Variants in GRHL2 observed in about 807,000 individuals in gnomAD.
GRHL2 encodes grainyhead-like protein 2 homolog.
Under a neutral mutation model 83.8 loss-of-function variants are expected in GRHL2, and 21 were observed. The observed-to-expected ratio is 0.25, with a 90% confidence interval of 0.18 to 0.36. The LOEUF (loss-of-function observed/expected upper bound fraction) is 0.36, where lower values mean the gene tolerates loss of function less well. Among genes scored for constraint, GRHL2 ranks in the 10% least tolerant of loss-of-function variants. The pLI is 1.00. For synonymous variants in GRHL2, 280 were observed against 278.9 expected (o/e 1.00, Z -0.04); for missense variants, 623 against 781.8 (o/e 0.80, Z 2.42).
At chr8:101,614,798 C>T (rs1286999696) in intron 8 of GRHL2, among the ~76,000 whole-genome samples, 1 of 152,182 alleles carries the variant, frequency 6.6e-6, no homozygotes, top group Non-Finnish European at 1.5e-5. Flanking sequence ...CATGATTTCC[C>T]AAACTCCTGC....
At chr8:101,505,615 C>A (rs141044325) in intron 1 of GRHL2, among the ~76,000 whole-genome samples, 1 of 149,450 alleles carries the variant, frequency 6.7e-6, no homozygotes, top group Non-Finnish European at 1.5e-5. Context: ...AATAAAGGCA[C>A]CTATCCTTAC....
At chr8:101,537,256 G>A (rs964438278) in intron 1 of GRHL2, among the ~76,000 whole-genome samples, 1 of 152,162 alleles carries the variant, frequency 6.6e-6, no homozygotes, top group Non-Finnish European at 1.5e-5. Context: ...CTATATATCT[G>A]TTAGTCATTA....
At chr8:101,651,780 G>T (rs1010404212) in intron 14 of GRHL2, among the ~76,000 whole-genome samples, 3 of 152,174 alleles carry the variant, frequency 2.0e-5, no homozygotes, top group Non-Finnish European at 2.9e-5. Context: ...GAGAGGTCAG[G>T]TTCCCTAGGC....
At position 101,634,392 on chromosome 8, in the gene GRHL2, T is replaced by C. The variant is rs1813245671; in HGVS notation, c.1485+2027T>C. 3.9e-5 allele frequency among the ~76,000 whole-genome samples: 6 copies of C among 152,170 alleles called. No individual in the cohort carries two copies. In the South Asian group the frequency reaches 1.0e-3, roughly 26 times the overall value. ...TCAGACTGCCTTTTCTCAAAAAAGT[T>C]AGATGCCTGGGAGATCCTTCCAAAG... On this transcript the variant is annotated intron_variant, in intron 11 of 15. Transcript: ENST00000646743.
intron 7 of GRHL2, among the ~76,000 whole-genome samples, chr8:101,581,102 C>T (rs909949482): frequency 5.3e-5 from 8 of 152,350 alleles, no homozygotes; most frequent in African/African-American, 1.9e-4. Context: ...GCCCTGTCTA[C>T]ATGGAGAGAG....
rs140510172 is a variant in GRHL2, at chr8:101,629,485, C to A, written c.1258-2152C>A. 4.2e-3 allele frequency among the ~76,000 whole-genome samples: 640 copies of A among 152,014 alleles called. 5 individuals carry two copies. Among genetic ancestry groups the A allele is most frequent in the African/African-American group, 0.014 (596 of 41,482 alleles). On this transcript the variant is annotated intron_variant, in intron 9 of 15. Transcript: ENST00000646743. ...TTTTTTATGGGGGTCTGGAACTGAA[C>A]CCACAGTACCTCTGAGGTATGCTTG...
intron 8 of GRHL2, among the ~76,000 whole-genome samples, chr8:101,606,356 C>T (rs979745367): frequency 6.6e-6 from 1 of 152,196 alleles, no homozygotes; most frequent in Non-Finnish European, 1.5e-5. Flanking sequence ...GATATTTCCT[C>T]TGGGCCCTAT....
At chr8:101,539,521 T>G (rs982567787) in intron 1 of GRHL2, among the ~76,000 whole-genome samples, 1 of 152,170 alleles carries the variant, frequency 6.6e-6, no homozygotes, top group African/African-American at 2.4e-5. Flanking sequence ...ACCTTCTTAG[T>G]TCTTTCTGGA....
At chr8:101,500,171 T>C (rs1482427089) in intron 1 of GRHL2, among the ~76,000 whole-genome samples, 1 of 152,080 alleles carries the variant, frequency 6.6e-6, no homozygotes, top group Non-Finnish European at 1.5e-5. Flanking sequence ...AGGGTAGTGA[T>C]TGGTTTGGCA....
At chr8:101,590,338 A>T (rs531017942) in intron 7 of GRHL2, among the ~76,000 whole-genome samples, 1 of 152,318 alleles carries the variant, frequency 6.6e-6, no homozygotes, top group South Asian at 2.1e-4. Context: ...CTCAGAATCT[A>T]CTTGGACTAG....
intron 1 of GRHL2, among the ~76,000 whole-genome samples, chr8:101,540,271 T>C (rs10955257): frequency 0.52 from 79,784 of 152,026 alleles, 21,772 homozygotes; most frequent in Non-Finnish European, 0.6. Context: ...AGGCACTGAA[T>C]TATTTAAGAA....
intron 7 of GRHL2, among the ~76,000 whole-genome samples, chr8:101,591,595 A>G (rs1015120594): frequency 7.9e-5 from 12 of 152,328 alleles, no homozygotes; most frequent in Admixed American, 7.8e-4. Flanking sequence ...CAAGACAAAT[A>G]TGGGCAGTGG....
At chr8:101,540,758 G>A (rs948489501) in intron 1 of GRHL2, among the ~76,000 whole-genome samples, 4 of 152,102 alleles carry the variant, frequency 2.6e-5, no homozygotes, top group African/African-American at 9.7e-5. Flanking sequence ...AGATCCCATA[G>A]GAATGTCAGC....
At chr8:101,614,663 C>T (rs1342660516) in intron 8 of GRHL2, among the ~76,000 whole-genome samples, 3 of 152,190 alleles carry the variant, frequency 2.0e-5, no homozygotes, top group Non-Finnish European at 4.4e-5. Flanking sequence ...TTTGTAGATA[C>T]ACTTCCAAGT....
At position 101,592,100 on chromosome 8, in the gene GRHL2, C is replaced by CTTTTTTTT. The variant is rs11382067; in HGVS notation, c.1004-6942_1004-6935dup. On this transcript the variant is annotated intron_variant, in intron 7 of 15. Transcript: ENST00000646743. Reference sequence around the variant, plus strand: ...GTACAGCACTTTCTTTCTTTCTTTTCTTTTTTTTTTTTTTTTTTTTTTGAG... The same window carrying CTTTTTTTT: ...GTACAGCACTTTCTTTCTTTCTTTTCTTTTTTTTTTTTTTTTTTTTTTTTTTTTTTGAG... Among the ~76,000 whole-genome samples, 82 of 90,310 alleles carry CTTTTTTTT rather than the reference C, an allele frequency of 9.1e-4. 2 individuals carry two copies. Among genetic ancestry groups the CTTTTTTTT allele is most frequent in the African/African-American group, 1.9e-3 (42 of 21,912 alleles). The allele number at this position is 90,310 out of a possible 152,430, so 59.2% of individuals were successfully genotyped here.
In GRHL2 at chr8:101,550,178, CT is replaced by C. The variant is rs4002324; in HGVS notation, c.217-2525del. Among the ~76,000 whole-genome samples the C allele has an allele frequency of 6.2e-3, 929 of 149,416 alleles. 8 individuals carry two copies. The highest frequency in any genetic ancestry group is 0.02 in the African/African-American group (815 of 40,674). Reference sequence around the variant, plus strand: ...TAAGTTCTGGGATACATATGCAGGTCTTTTTTTTTTTTAAAAAAATTATCAT... The same window carrying C: ...TAAGTTCTGGGATACATATGCAGGTCTTTTTTTTTTTAAAAAAATTATCAT... On this transcript the variant is annotated intron_variant, in intron 2 of 15. Transcript: ENST00000646743.
rs1029355955 is a variant in GRHL2, at chr8:101,612,876, C to A, written c.1099-6663C>A. On this transcript the variant is annotated intron_variant, in intron 8 of 15. Coordinates refer to ENST00000646743, the MANE Select transcript of GRHL2 (RefSeq NM_024915.4). ...TTAAGGGCTTTTCAGAATCATGGAG[C>A]AAACAGACAATTAAACACTAAACAA... Among the ~76,000 whole-genome samples, 4 of 150,740 alleles carry A rather than the reference C, an allele frequency of 2.7e-5. 1 individual carries two copies. The highest frequency in any genetic ancestry group is 1.5e-5 in the Non-Finnish European group (1 of 67,994).
At chr8:101,520,409 TAAGG>T (rs1169528306) in intron 1 of GRHL2, among the ~76,000 whole-genome samples, 1 of 152,198 alleles carries the variant, frequency 6.6e-6, no homozygotes, top group Non-Finnish European at 1.5e-5. Flanking sequence ...TACAGAATCT[TAAGG>T]AAGACCTTAT....
At chr8:101,601,784 C>T (rs1007355136) in intron 8 of GRHL2, among the ~76,000 whole-genome samples, 5 of 152,170 alleles carry the variant, frequency 3.3e-5, no homozygotes, top group African/African-American at 1.2e-4. Flanking sequence ...CTCCAGACTA[C>T]TGAAGAGCAT....
Sources: gnomAD v4.1 joint callset for allele counts (sites outside exome capture counted in the v4.1 genomes callset) on GRCh38, gnomAD v4.1.1 for gene constraint, MANE v1.5 for transcripts, NCBI Gene and HGNC (gene_info 2026-07-23, HGNC 2026-07-21) for gene names.